CCSER1: variants seen among roughly 807,000 people sequenced by gnomAD.
CCSER1 encodes the protein serine-rich coiled-coil domain-containing protein 1.
Under a neutral mutation model 82.0 loss-of-function variants are expected in CCSER1, and 41 were observed. The observed-to-expected ratio is 0.50, with a 90% confidence interval of 0.39 to 0.65. CCSER1 has a LOEUF of 0.65. CCSER1 is among the 30% of genes least tolerant of loss of function. The pLI, the probability that CCSER1 is intolerant of heterozygous loss-of-function variation, is 0.00. For missense variants in CCSER1, 1,119 were observed against 1,064.2 expected, an observed-to-expected ratio of 1.05 and a Z score of -0.72; for synonymous variants, 414 against 383.9, an observed-to-expected ratio of 1.08 and a Z score of -0.92.
At chr4:91,399,142 G>A (rs1276534026) in intron 10 of CCSER1, among the ~76,000 whole-genome samples, 1 of 151,776 alleles carries the variant, frequency 6.6e-6, no homozygotes, top group Non-Finnish European at 1.5e-5. Flanking sequence ...TAAGAGCATG[G>A]CACACTGACA....
At position 91,598,937 on chromosome 4, in the gene CCSER1, C is replaced by T; in HGVS notation, c.2583C>T (p.Gly861=). ...CCCGACAGCATTCGACCTTTACAGG[C>T]AGGTTTGGACAGCCACCCAGAGGGC... is the stretch of plus-strand genomic sequence containing the variant. ...ATARQHSTFT[G]RFGQPPRGPI... Residue 861 remains glycine, a synonymous_variant, in exon 11 of 11, where the codon GGC becomes GGT. Coordinates refer to ENST00000509176, the MANE Select transcript of CCSER1 (RefSeq NM_001145065.2). 1 of 1,551,556 alleles carries T rather than the reference C, an allele frequency of 6.4e-7. No individual in the cohort carries two copies. The highest frequency in any genetic ancestry group is 8.7e-7 in the Non-Finnish European group (1 of 1,146,896).
intron 10 of CCSER1, among the ~76,000 whole-genome samples, chr4:91,387,239 A>G (rs1560632096): frequency 2.6e-5 from 4 of 152,028 alleles, no homozygotes; most frequent in Non-Finnish European, 5.9e-5. Context: ...ACCTTTATAA[A>G]GAGAGAGACA....
At chr4:90,528,776 C>A (rs947027205) in intron 5 of CCSER1, among the ~76,000 whole-genome samples, 1 of 152,128 alleles carries the variant, frequency 6.6e-6, no homozygotes, top group Non-Finnish European at 1.5e-5. Flanking sequence ...TTACTCATTC[C>A]CAATGGGTTG....
intron 9 of CCSER1, among the ~76,000 whole-genome samples, chr4:90,999,782 T>G (rs1031418965): frequency 1.3e-4 from 19 of 151,408 alleles, no homozygotes; most frequent in African/African-American, 4.4e-4. Flanking sequence ...TGTTTTTTTC[T>G]TATTTGTTTT....
intron 8 of CCSER1, among the ~76,000 whole-genome samples, chr4:90,887,724 A>C (rs1722345765): frequency 6.6e-6 from 1 of 152,124 alleles, no homozygotes; most frequent in Non-Finnish European, 1.5e-5. Flanking sequence ...TTTACAAAAA[A>C]TACAAGAATT....
At chr4:90,183,177 AT>A (rs1460414555) in intron 1 of CCSER1, among the ~76,000 whole-genome samples, 2 of 152,112 alleles carry the variant, frequency 1.3e-5, no homozygotes, top group Non-Finnish European at 2.9e-5. Flanking sequence ...AATATTCATT[AT>A]TCTTTATAAA....
intron 7 of CCSER1, among the ~76,000 whole-genome samples, chr4:90,737,234 G>T (rs529084942): frequency 6.6e-6 from 1 of 152,110 alleles, no homozygotes; most frequent in South Asian, 2.1e-4. Flanking sequence ...ATTTCTTATT[G>T]CTCATTAACA....
intron 10 of CCSER1, among the ~76,000 whole-genome samples, chr4:91,234,853 T>A (rs73836887): frequency 0.026 from 3,945 of 152,150 alleles, 172 homozygotes; most frequent in African/African-American, 0.09. Context: ...TTAGCACACA[T>A]CTTTAGAAAC....
chr4:91,120,362 CATG>C lies in CCSER1; in HGVS notation c.2217+34378_2217+34380del, dbSNP rs543787583. On this transcript the variant is annotated intron_variant, in intron 10 of 10. Coordinates refer to ENST00000509176, the MANE Select transcript of CCSER1 (RefSeq NM_001145065.2). ...TAATTACGTGGTCTTATATCAGCATCATGATGATGATGGATACTGAAAGACAAT... is the reference window on the plus strand; with the variant it reads ...TAATTACGTGGTCTTATATCAGCATCATGATGATGGATACTGAAAGACAAT... Among the ~76,000 whole-genome samples the C allele has an allele frequency of 2.1e-4, 32 of 152,022 alleles. No individual in the cohort carries two copies. The South Asian group carries it at 5.6e-3, about 27-fold the overall frequency.
At chr4:91,221,188 T>C (rs187723980) in intron 10 of CCSER1, among the ~76,000 whole-genome samples, 30 of 152,242 alleles carry the variant, frequency 2.0e-4, no homozygotes, top group African/African-American at 6.7e-4. Context: ...GTAGTTCTTA[T>C]TTATATTTGT....
intron 10 of CCSER1, among the ~76,000 whole-genome samples, chr4:91,243,580 G>A (rs1389954117): frequency 1.3e-5 from 2 of 152,054 alleles, no homozygotes; most frequent in African/African-American, 4.8e-5. Flanking sequence ...CCAGCTCAGC[G>A]GTAGTAGGAC....
chr4:90,817,592 C>G (rs1321450876), intron 8 of CCSER1, among the ~76,000 whole-genome samples: 22 of 151,860 alleles, frequency 1.4e-4, no homozygotes, highest in African/African-American at 4.4e-4. Context: ...TAATTTTGTG[C>G]TATTGTAGTT....
At chr4:90,585,982 T>C (rs1301783197) in intron 5 of CCSER1, among the ~76,000 whole-genome samples, 1 of 152,192 alleles carries the variant, frequency 6.6e-6, no homozygotes, top group Non-Finnish European at 1.5e-5. Flanking sequence ...GTGAAATTCA[T>C]TAATAATGAT....
intron 10 of CCSER1, among the ~76,000 whole-genome samples, chr4:91,505,346 G>T (rs1429613675): frequency 6.6e-6 from 1 of 152,142 alleles, no homozygotes; most frequent in Non-Finnish European, 1.5e-5. Flanking sequence ...ATCATCTATT[G>T]ATGGGCATTT....
chr4:91,581,941 T>G lies in CCSER1; in HGVS notation c.2218-16631T>G, dbSNP rs141487370. ...CACTGATTTACCGTATTAATTATTT[T>G]TACTTGATTCATAACATGCTCATAC... is the stretch of plus-strand genomic sequence containing the variant. On this transcript the variant is annotated intron_variant, in intron 10 of 10. Coordinates refer to ENST00000509176, the MANE Select transcript of CCSER1 (RefSeq NM_001145065.2). 3.0e-4 allele frequency among the ~76,000 whole-genome samples: 45 copies of G among 151,830 alleles called. No individual in the cohort carries two copies. In the East Asian group the frequency reaches 8.3e-3, roughly 28 times the overall value.
intron 1 of CCSER1, among the ~76,000 whole-genome samples, chr4:90,180,439 A>G (rs563522202): frequency 6.6e-6 from 1 of 152,134 alleles, no homozygotes; most frequent in East Asian, 1.9e-4. Flanking sequence ...AAATACAAAA[A>G]TTAGCCAGGC....
chr4:91,282,505 C>T (rs1308019339), intron 10 of CCSER1, among the ~76,000 whole-genome samples: 1 of 152,140 alleles, frequency 6.6e-6, no homozygotes, highest in Non-Finnish European at 1.5e-5. Context: ...AATTTACTCA[C>T]AAGTCGCTCT....
chr4:91,135,206 CTG>C (rs1225770917), intron 10 of CCSER1, among the ~76,000 whole-genome samples: 1 of 152,026 alleles, frequency 6.6e-6, no homozygotes. Context: ...TTTTTAATAT[CTG>C]TGATGAAGTA....
intron 9 of CCSER1, among the ~76,000 whole-genome samples, chr4:91,006,285 AT>A (rs896683175): frequency 5.3e-5 from 8 of 150,558 alleles, no homozygotes; most frequent in Non-Finnish European, 7.4e-5. Context: ...TATAAATGAG[AT>A]TTTTTTTGTG....
Sources: allele counts gnomAD v4.1 joint callset (sites outside exome capture counted in the v4.1 genomes callset), GRCh38; gene constraint gnomAD v4.1.1; transcripts MANE v1.5; gene names NCBI Gene and HGNC (gene_info 2026-07-23, HGNC 2026-07-21).